Variants in MYH2 observed in about 807,000 individuals in gnomAD.
MYH2 encodes the protein myosin heavy chain 2.
A neutral mutation model predicts 228.1 loss-of-function variants in MYH2; 139 were observed. The ratio of observed to expected loss-of-function variants is 0.61; its 90% CI spans 0.53 to 0.70. The LOEUF (loss-of-function observed/expected upper bound fraction) is 0.70. MYH2 is among the 30% of genes least tolerant of loss of function. The pLI, the probability that MYH2 is intolerant of heterozygous loss-of-function variation, is 0.00. For missense variants in MYH2, 1,809 were observed against 2,357.5 expected, an observed-to-expected ratio of 0.77 and a Z score of 4.82; for synonymous variants, 796 against 871.1, an observed-to-expected ratio of 0.91 and a Z score of 1.52.
intron 21 of MYH2, 32 bp from the exon 22 acceptor site, chr17:10,531,920 G>A (rs374186430): frequency 1.2e-6 from 2 of 1,612,868 alleles, no homozygotes; most frequent in Non-Finnish European, 1.7e-6. Context: ...TTAGTATTGT[G>A]TGGTTGATGC....
At chr17:10,533,656 A>G in intron 19 of MYH2, 24 bp from the exon 20 acceptor site, 1 of 1,612,928 alleles carries the variant, frequency 6.2e-7, no homozygotes, top group South Asian at 1.1e-5. Context: ...TATAGCTTTT[A>G]ACAACTAGTT....
At chr17:10,546,255 TGATATA>T (rs1189172149) in intron 4 of MYH2, among the ~76,000 whole-genome samples, 9 of 27,158 alleles carry the variant, frequency 3.3e-4, no homozygotes, top group African/African-American at 7.5e-4. Context: ...GGACACGAAA[TGATATA>T]TATATATATA....
chr17:10,533,580 T>TG lies in MYH2; in HGVS notation c.2232dup (p.Lys745GlnfsTer5), dbSNP rs1413632492. The stretch of plus-strand genomic sequence containing the variant: ...GCAAGGAGCTTCTCAGAGGCCTTCT[T>TG]GCTATCAATGAATTGCCCTTCAGGG... On this transcript the variant is annotated frameshift_variant, in exon 20 of 40. Coordinates refer to ENST00000245503, the MANE Select transcript of MYH2 (RefSeq NM_017534.6). LOFTEE classifies it high-confidence loss of function. The TG allele has an allele frequency of 6.2e-7, 1 of 1,614,208 alleles. No individual in the cohort carries two copies. Among genetic ancestry groups the TG allele is most frequent in the South Asian group, 1.1e-5 (1 of 91,082 alleles).
At position 10,524,340 on chromosome 17, in the gene MYH2, A is replaced by G. The variant is rs564112547; in HGVS notation, c.5175+126T>C. The G allele has an allele frequency of 4.4e-4, 551 of 1,249,788 alleles. No individual in the cohort carries two copies. Among genetic ancestry groups the G allele is most frequent in the Non-Finnish European group, 6.0e-4 (517 of 863,486 alleles). The allele number at this position is 1,249,788 out of a possible 1,614,324, so 77.4% of individuals were successfully genotyped here. On this transcript the variant is annotated intron_variant, in intron 35 of 39. Transcript: ENST00000245503. The surrounding 1 kb of genome is among the most constrained non-coding windows in gnomAD (Gnocchi z 4.7). Reference sequence around the variant, plus strand: ...GATTTCTCAGTAATGCAGAATTACTATTCTGTATTATTTGAAAAGAAAATT... The same window carrying G: ...GATTTCTCAGTAATGCAGAATTACTGTTCTGTATTATTTGAAAAGAAAATT...
rs928455234 is a variant in MYH2, at chr17:10,544,053, C to T, written c.534-37G>A. On this transcript the variant is annotated intron_variant, in intron 6 of 39. Coordinates refer to ENST00000245503, the MANE Select transcript of MYH2 (RefSeq NM_017534.6). ...AAACTCAATCAGATGTGGTCTCAAA[C>T]CTAGCAGCTATCACAGCCATGTAAA... 5.0e-6 allele frequency: 8 copies of T among 1,614,084 alleles called. No individual in the cohort carries two copies. The African/African-American group carries it at 1.1e-4, about 22-fold the overall frequency.
chr17:10,539,584 A>T, intron 12 of MYH2, 22 bp from the exon 13 acceptor site: 3 of 1,595,228 alleles, frequency 1.9e-6, no homozygotes, highest in Non-Finnish European at 2.6e-6. Flanking sequence ...AAAGAGTAGA[A>T]CAATGTTATT....
rs2073384470 is a variant in MYH2, at chr17:10,528,674, C to T, written c.3744+16G>A. 1 of 1,613,798 alleles carries T rather than the reference C, an allele frequency of 6.2e-7. No homozygotes were observed. The highest frequency in any genetic ancestry group is 1.7e-5 in the Admixed American group (1 of 60,000). On this transcript the variant is annotated intron_variant, in intron 27 of 39. Transcript: ENST00000245503. The stretch of plus-strand genomic sequence containing the variant: ...ATGCATTATTTTCAATAACAATTTC[C>T]CAGAATTTGTAGTACCTTGGCTTTG...
chr17:10,533,540 T>G lies in MYH2; in HGVS notation c.2273A>C (p.Asp758Ala), dbSNP rs758731503. Residue 758 changes from aspartate to alanine, a missense_variant, in exon 20 of 40, where the codon GAC becomes GCC. Physicochemically the swap from Asp to Ala is moderately radical, Grantham distance 126 (BLOSUM62 -2). Around this residue, in one of 9 missense-constraint regions of MYH2, gnomAD observed 276 missense variants for 344.2 expected, o/e 0.80. Coordinates refer to ENST00000245503, the MANE Select transcript of MYH2 (RefSeq NM_017534.6). ...GTGCCCAAATTTATACTGGGTGTGG[T>G]CAATGTCGATGGATGCAAGGAGCTT... is the stretch of plus-strand genomic sequence containing the variant. ...SEKLLASIDIDHTQYKFGHTK... is the reference protein window; with the variant it reads ...SEKLLASIDIAHTQYKFGHTK... 7 of 1,614,054 alleles carry G rather than the reference T, an allele frequency of 4.3e-6. No homozygotes were observed. The highest frequency in any genetic ancestry group is 4.5e-5 in the East Asian group (2 of 44,898).
intron 17 of MYH2, 110 bp from the exon 18 acceptor site, chr17:10,535,475 C>T: frequency 1.1e-6 from 1 of 899,050 alleles, no homozygotes; most frequent in Non-Finnish European, 1.8e-6. Flanking sequence ...CCAGTATGGA[C>T]TGCATTCATA....
chr17:10,528,963 T>A lies in MYH2; in HGVS notation c.3471A>T (p.Glu1157Asp), dbSNP rs749196519. 4 of 1,614,040 alleles carry A rather than the reference T, an allele frequency of 2.5e-6. No homozygotes were observed. In the African/African-American group the frequency reaches 4.0e-5, roughly 16 times the overall value. The part of the protein sequence containing the change: ...RELEEISERL[E>D]EAGGATSAQI... ...GGGCTGAAGTGGCCCCACCGGCTTC[T>A]TCCAGCCTCTCGCTGATCTCCTCCA... Residue 1157 changes from glutamate to aspartate, a missense_variant, in exon 27 of 40, where the codon GAA (glutamate) becomes GAT (aspartate). Transcript: ENST00000245503.
intron 10 of MYH2, 81 bp downstream of exon 10, chr17:10,542,794 C>A: frequency 1.1e-6 from 1 of 880,518 alleles, no homozygotes; most frequent in East Asian, 2.8e-5. Flanking sequence ...TGACAAAATT[C>A]AGTCATAGAA....
intron 4 of MYH2, among the ~76,000 whole-genome samples, chr17:10,546,638 A>C (rs1181976389): frequency 6.6e-6 from 1 of 152,006 alleles, no homozygotes; most frequent in Non-Finnish European, 1.5e-5. Flanking sequence ...AGGGACAGAA[A>C]GGAAAGGACA....
chr17:10,533,762 G>A, intron 19 of MYH2, 130 bp from the exon 20 acceptor site: 1 of 1,305,400 alleles, frequency 7.7e-7, no homozygotes. Flanking sequence ...GGAGAACATT[G>A]TTTATTTGAA....
Position 10,523,427 on chromosome 17 carries a change from G to T in MYH2, c.5473-15C>A, listed in dbSNP as rs2073308695. On this transcript the variant is annotated splice_polypyrimidine_tract_variant and intron_variant, in intron 37 of 39. Transcript: ENST00000245503. Reference sequence around the variant, plus strand: ...AGCTCCCGTACCTGCAAATAAGTAGGCTCTTAAGAACTTTGATCCAATAAG... The same window carrying T: ...AGCTCCCGTACCTGCAAATAAGTAGTCTCTTAAGAACTTTGATCCAATAAG... 1.2e-6 allele frequency: 2 copies of T among 1,614,152 alleles called. No individual in the cohort carries two copies. Among genetic ancestry groups the T allele is most frequent in the African/African-American group, 2.7e-5 (2 of 75,028 alleles).
At chr17:10,538,214 G>T (rs890117237) in intron 14 of MYH2, among the ~76,000 whole-genome samples, 1 of 151,936 alleles carries the variant, frequency 6.6e-6, no homozygotes, top group African/African-American at 2.4e-5. Context: ...CAACCCATGA[G>T]AAGCTGGCTG....
intron 20 of MYH2, 28 bp from the exon 21 acceptor site, chr17:10,533,449 A>C (rs748220215): frequency 1.2e-6 from 2 of 1,614,144 alleles, no homozygotes; most frequent in East Asian, 4.5e-5. Context: ...TGCAAATCAC[A>C]AGCTTTAATA....
At chr17:10,540,125 A>G (rs964796313) in intron 11 of MYH2, 59 bp from the exon 12 acceptor site, 2 of 1,607,038 alleles carry the variant, frequency 1.2e-6, no homozygotes, top group Non-Finnish European at 8.5e-7. Flanking sequence ...TACTGTTAAT[A>G]CTGCACATTC....
intron 1 of MYH2, 50 bp from the exon 2 acceptor site, chr17:10,549,467 G>A (rs1317889454): frequency 1.3e-5 from 2 of 152,646 alleles, no homozygotes; most frequent in East Asian, 1.9e-4. Flanking sequence ...AAAAGAGGGG[G>A]AAAAAATCCC....
Position 10,524,178 on chromosome 17 carries a change from A to T in MYH2, c.5175+288T>A, listed in dbSNP as rs1480602522. Among the ~76,000 whole-genome samples the T allele has an allele frequency of 1.3e-5, 2 of 152,232 alleles. No homozygotes were observed. The highest frequency in any genetic ancestry group is 2.9e-5 in the Non-Finnish European group (2 of 68,052). On this transcript the variant is annotated intron_variant, in intron 35 of 39. Coordinates refer to ENST00000245503, the MANE Select transcript of MYH2 (RefSeq NM_017534.6). The surrounding 1 kb of genome is among the most constrained non-coding windows in gnomAD (Gnocchi z 4.7). ...AAAGTATAATGGACTTTCTCATAAC[A>T]TTCCATTTCTCCAGAATGAAATGTG...
Sources: gnomAD v4.1 joint callset for allele counts (sites outside exome capture counted in the v4.1 genomes callset) on GRCh38, gnomAD v4.1.1 for gene constraint, gnomAD v4.1.1 regional missense constraint, Gnocchi (gnomAD v3.1) non-coding constraint, MANE v1.5 for transcripts, NCBI Gene and HGNC (gene_info 2026-07-23, HGNC 2026-07-21) for gene names.